Variants in ARHGAP6 observed in about 807,000 individuals in gnomAD.
ARHGAP6 encodes rho GTPase-activating protein 6.
In ARHGAP6, 16 loss-of-function variants were observed where a neutral mutation model predicts 55.7. The observed-to-expected ratio is 0.29, with a 90% CI of 0.19 to 0.44. ARHGAP6 has a LOEUF of 0.44. Ranked by LOEUF, ARHGAP6 falls within the 20% of genes least tolerant of loss-of-function variation. The probability of loss-of-function intolerance (pLI) is 1.00; values close to 1 mark genes in which losing one functional copy is unlikely to be tolerated. For synonymous variants in ARHGAP6, 382 were observed against 360.9 expected (o/e 1.06, Z -0.66); for missense variants, 698 against 808.9 (o/e 0.86, Z 1.66).
chrX:11,473,402 C>T (rs868444428), intron 1 of ARHGAP6, among the ~76,000 whole-genome samples: 3 of 111,755 alleles, frequency 2.7e-5, no homozygotes, highest in Non-Finnish European at 3.8e-5. Context: ...ATGGGATCTT[C>T]GCAGATGTAA....
At chrX:11,645,426 A>G (rs190145781) in intron 1 of ARHGAP6, among the ~76,000 whole-genome samples, 75 of 111,689 alleles carry the variant, frequency 6.7e-4, no homozygotes, top group African/African-American at 2.3e-3. Flanking sequence ...AAAAAGAGAA[A>G]CTATAATTCA....
intron 8 of ARHGAP6, among the ~76,000 whole-genome samples, chrX:11,171,716 G>T (rs1469270386): frequency 1.8e-5 from 2 of 111,257 alleles, no homozygotes; most frequent in South Asian, 3.7e-4. Flanking sequence ...TCTAGGCTAG[G>T]GTTTCTCTAC....
chrX:11,523,080 A>G lies in ARHGAP6; in HGVS notation c.588+141161T>C, dbSNP rs777924184. Among the ~76,000 whole-genome samples, 9 of 112,134 alleles carry G rather than the reference A, an allele frequency of 8.0e-5. No homozygotes were observed. The East Asian group carries it at 2.2e-3, about 28-fold the overall frequency. ...CCCTGGGATGCAAGGCTGGTTCAAC[A>G]TACACAAATCAATAAATATAATCCA... is the stretch of plus-strand genomic sequence containing the variant. On this transcript the variant is annotated intron_variant, in intron 1 of 12. Coordinates refer to ENST00000337414, the MANE Select transcript of ARHGAP6 (RefSeq NM_013427.3).
chrX:11,357,227 C>A (rs1315041882), intron 1 of ARHGAP6, among the ~76,000 whole-genome samples: 1 of 111,725 alleles, frequency 9.0e-6, no homozygotes, highest in East Asian at 2.8e-4. Context: ...TATGGACCGA[C>A]CCCAAACTGC....
intron 1 of ARHGAP6, among the ~76,000 whole-genome samples, chrX:11,348,094 G>A (rs12007358): frequency 0.051 from 5,739 of 112,070 alleles, 140 homozygotes; most frequent in Middle Eastern, 0.1. Flanking sequence ...GCAGAGGATT[G>A]TGTTTTCTCT....
chrX:11,325,973 A>T (rs756379077), intron 1 of ARHGAP6, among the ~76,000 whole-genome samples: 1 of 112,047 alleles, frequency 8.9e-6, no homozygotes, highest in South Asian at 3.7e-4. Flanking sequence ...AATAGAGCTG[A>T]GGTTTAGAAA....
chrX:11,405,042 T>A (rs2049594290), intron 1 of ARHGAP6, among the ~76,000 whole-genome samples: 1 of 112,292 alleles, frequency 8.9e-6, no homozygotes, highest in South Asian at 3.7e-4. Context: ...GACTGTTATA[T>A]CTTTTCAATA....
At chrX:11,286,829 G>A (rs1339371236) in intron 1 of ARHGAP6, among the ~76,000 whole-genome samples, 4 of 111,860 alleles carry the variant, frequency 3.6e-5, no homozygotes, top group Non-Finnish European at 7.5e-5. Context: ...TATGTTGTAT[G>A]ACTCTATTTC....
intron 1 of ARHGAP6, among the ~76,000 whole-genome samples, chrX:11,574,787 T>C (rs200695424): frequency 0.078 from 8,383 of 106,980 alleles, 409 homozygotes; most frequent in East Asian, 0.17. Context: ...AGTCAAATTG[T>C]CCCTGTTTGC....
chrX:11,442,812 G>A (rs1044254525), intron 1 of ARHGAP6, among the ~76,000 whole-genome samples: 1 of 111,831 alleles, frequency 8.9e-6, no homozygotes, highest in East Asian at 2.8e-4. Context: ...TATTCCATTT[G>A]TGAATAAGAC....
intron 1 of ARHGAP6, among the ~76,000 whole-genome samples, chrX:11,480,224 TGTGATATACACAATG>T (rs2050442825): frequency 8.9e-6 from 1 of 111,750 alleles, no homozygotes; most frequent in African/African-American, 3.3e-5. Flanking sequence ...GAATGTAAAA[TGTGATATACACAATG>T]GTATGTTATT....
intron 1 of ARHGAP6, among the ~76,000 whole-genome samples, chrX:11,607,379 C>T (rs1305252994): frequency 9.0e-6 from 1 of 111,406 alleles, no homozygotes; most frequent in Non-Finnish European, 1.9e-5. Flanking sequence ...TCTGAAGTAC[C>T]CCGAAAAGGC....
intron 1 of ARHGAP6, among the ~76,000 whole-genome samples, chrX:11,575,242 G>C (rs1696825589): frequency 8.9e-6 from 1 of 111,966 alleles, no homozygotes; most frequent in African/African-American, 3.2e-5. Flanking sequence ...GATGCCACAA[G>C]ACAGAAGAAG....
At chrX:11,527,671 T>C (rs753266003) in intron 1 of ARHGAP6, among the ~76,000 whole-genome samples, 11 of 112,710 alleles carry the variant, frequency 9.8e-5, no homozygotes, top group African/African-American at 3.5e-4. Flanking sequence ...GCATCTTTTT[T>C]ATCTGTTCCC....
At position 11,492,306 on chromosome X, in the gene ARHGAP6, A is replaced by C. The variant is rs764021327; in HGVS notation, c.588+171935T>G. On this transcript the variant is annotated intron_variant, in intron 1 of 12. Coordinates refer to ENST00000337414, the MANE Select transcript of ARHGAP6 (RefSeq NM_013427.3). ...TGCCCATGCCTATGTCCTGAATGGT[A>C]AAGACTTAAACGTTAGACCTAAAAC... is the stretch of plus-strand genomic sequence containing the variant. Among the ~76,000 whole-genome samples, 19 of 111,740 alleles carry C rather than the reference A, an allele frequency of 1.7e-4. No homozygotes were observed. The South Asian group carries it at 7.1e-3, about 42-fold the overall frequency.
At chrX:11,392,150 T>C (rs780489510) in intron 1 of ARHGAP6, among the ~76,000 whole-genome samples, 9 of 112,510 alleles carry the variant, frequency 8.0e-5, no homozygotes, top group East Asian at 2.8e-4. Context: ...AGAAATTCCA[T>C]TGTAGACCAA....
At chrX:11,364,761 AAAG>A (rs1280324771) in intron 1 of ARHGAP6, among the ~76,000 whole-genome samples, 1 of 111,749 alleles carries the variant, frequency 8.9e-6, no homozygotes, top group Non-Finnish European at 1.9e-5. Context: ...ATACTGGAGA[AAAG>A]AAGACAGGTG....
intron 1 of ARHGAP6, among the ~76,000 whole-genome samples, chrX:11,521,008 T>G (rs1295628552): frequency 1.8e-5 from 2 of 112,225 alleles, no homozygotes; most frequent in East Asian, 2.8e-4. Context: ...TTGATGGGGT[T>G]GTTTTTTTCT....
At chrX:11,360,866 G>GACAA (rs1325804108) in intron 1 of ARHGAP6, among the ~76,000 whole-genome samples, 2 of 110,237 alleles carry the variant, frequency 1.8e-5, no homozygotes, top group East Asian at 2.8e-4. Context: ...ACCAATAACA[G>GACAA]AGAGAGAGCC....
Sources: gnomAD v4.1 joint callset for allele counts (sites outside exome capture counted in the v4.1 genomes callset) on GRCh38, gnomAD v4.1.1 for gene constraint, MANE v1.5 for transcripts, NCBI Gene and HGNC (gene_info 2026-07-23, HGNC 2026-07-21) for gene names.